ANAPC5: variants seen among roughly 807,000 people sequenced by gnomAD.
ANAPC5 encodes anaphase promoting complex subunit 5, also known as anaphase-promoting complex subunit 5.
In ANAPC5, 60 loss-of-function variants were observed where a neutral mutation model predicts 91.3. The ratio of observed to expected loss-of-function variants is 0.66; its 90% CI spans 0.53 to 0.81. The LOEUF is 0.81. Among genes scored for constraint, ANAPC5 ranks in the 40% least tolerant of loss-of-function variants. The pLI is 0.00. For missense variants in ANAPC5, 690 were observed against 931.5 expected, an observed-to-expected ratio of 0.74 and a Z score of 3.37; for synonymous variants, 340 against 364.1, an observed-to-expected ratio of 0.93 and a Z score of 0.75.
chr12:121,344,283 T>C (rs782267730), intron 4 of ANAPC5, among the ~76,000 whole-genome samples: 3 of 152,042 alleles, frequency 2.0e-5, no homozygotes, highest in African/African-American at 4.8e-5. Context: ...AATAAAGAAA[T>C]AGAAAGTATT....
intron 15 of ANAPC5, among the ~76,000 whole-genome samples, chr12:121,312,420 C>G (rs974973837): frequency 2.6e-5 from 4 of 151,672 alleles, no homozygotes; most frequent in African/African-American, 9.7e-5. Flanking sequence ...AAATATTACC[C>G]AGGTAGCCAG....
rs1425256243 is a variant in ANAPC5 at position 121,318,532 on chromosome 12, G to T, written c.1714C>A (p.Gln572Lys). The T allele has an allele frequency of 6.2e-7, 1 of 1,614,172 alleles. No individual in the cohort carries two copies. The highest frequency in any genetic ancestry group is 8.5e-7 in the Non-Finnish European group (1 of 1,180,028). Residue 572 changes from glutamine to lysine, a missense_variant, in exon 14 of 17, where the codon CAG becomes AAG. This residue lies in a region of ANAPC5 where 317 missense variants were observed against 438.7 expected (regional missense o/e 0.72). Coordinates refer to ENST00000261819, the MANE Select transcript of ANAPC5 (RefSeq NM_016237.5). ...ACCATTTCTGTGTTCTTCAGTTTCT[G>T]ACAATGAACCAACAATTTTTGTAAA... ...KLLQKLLVHC[Q>K]KLKNTEMVIS...
chr12:121,322,824 A>T (rs1902672426), intron 11 of ANAPC5, among the ~76,000 whole-genome samples: 1 of 152,110 alleles, frequency 6.6e-6, no homozygotes, highest in South Asian at 2.1e-4. Flanking sequence ...GAAGTTTGAG[A>T]CCAGCCTGGC....
chr12:121,319,825 A>C lies in ANAPC5; in HGVS notation c.1516-7T>G, dbSNP rs981578065. ...GATCACATAGCATCCATAACTAGTA[A>C]GAAAAAAAAACACAATTAAGTACAA... On this transcript the variant is annotated splice_polypyrimidine_tract_variant and splice_region_variant and intron_variant, in intron 12 of 16. Coordinates refer to ENST00000261819, the MANE Select transcript of ANAPC5 (RefSeq NM_016237.5). 1.3e-6 allele frequency: 2 copies of C among 1,587,570 alleles called. No homozygotes were observed. Among genetic ancestry groups the C allele is most frequent in the Non-Finnish European group, 1.7e-6 (2 of 1,169,124 alleles).
chr12:121,340,278 C>T (rs1180473762), intron 5 of ANAPC5, among the ~76,000 whole-genome samples: 1 of 147,246 alleles, frequency 6.8e-6, no homozygotes, highest in African/African-American at 2.5e-5. Flanking sequence ...AGATCACCAC[C>T]GCACTCCAGC....
At position 121,347,811 on chromosome 12, in the gene ANAPC5, A is replaced by G; in HGVS notation, c.278T>C (p.Val93Ala). The change falls in exon 2 of 17, where the codon GTG (valine) becomes GCG (alanine). Residue 93 changes from valine (V) to alanine (A), a missense_variant. By Grantham distance (64) the Val-to-Ala change is moderately conservative. Transcript: ENST00000261819. ...EESCPQLANSVQIRIKLMAEG... is the reference protein window; with the variant it reads ...EESCPQLANSAQIRIKLMAEG... ...AGAAAATGAAGTTTACCTGATCTGC[A>G]CTGAATTTGCCAGCTGTGGACAAGA... 6.2e-7 allele frequency: 1 copy of G among 1,612,112 alleles called. No homozygotes were observed. Among genetic ancestry groups the G allele is most frequent in the Non-Finnish European group, 8.5e-7 (1 of 1,178,206 alleles).
chr12:121,350,957 A>G, intron 1 of ANAPC5: 1 of 345,366 alleles, frequency 2.9e-6, no homozygotes, highest in Non-Finnish European at 5.7e-6. Flanking sequence ...AGTAATATTG[A>G]GCATTTACTA....
chr12:121,343,267 A>G lies in ANAPC5; in HGVS notation c.591-1198T>C, dbSNP rs147849925. 6.0e-3 allele frequency among the ~76,000 whole-genome samples: 920 copies of G among 152,348 alleles called. 7 individuals are homozygous for G. The highest frequency in any genetic ancestry group is 0.022 in the African/African-American group (894 of 41,570). On this transcript the variant is annotated intron_variant, in intron 4 of 16. Transcript: ENST00000261819. ...TACTTTAAGCATATAAAGTAGCTAG[A>G]AAAAGGATTACACTGTAGCCTAGAA...
chr12:121,318,528 T>G lies in ANAPC5; in HGVS notation c.1718A>C (p.Lys573Thr). ...GATCACCATTTCTGTGTTCTTCAGT[T>G]TCTGACAATGAACCAACAATTTTTG... ...LLQKLLVHCQ[K>T]LKNTEMVISV... The change falls in exon 14 of 17, where the codon AAA (lysine) becomes ACA (threonine). Residue 573 changes from lysine (K) to threonine (T), a missense_variant. Transcript: ENST00000261819. 1 of 1,614,198 alleles carries G rather than the reference T, an allele frequency of 6.2e-7. No individual in the cohort carries two copies. Among genetic ancestry groups the G allele is most frequent in the Non-Finnish European group, 8.5e-7 (1 of 1,180,030 alleles).
chr12:121,312,044 A>C (rs1056506998), intron 15 of ANAPC5, among the ~76,000 whole-genome samples: 1 of 152,198 alleles, frequency 6.6e-6, no homozygotes, highest in South Asian at 2.1e-4. Flanking sequence ...CATATGGAAC[A>C]CTTTCCAGGA....
At chr12:121,316,596 G>C (rs1216536296) in intron 15 of ANAPC5, among the ~76,000 whole-genome samples, 1 of 151,908 alleles carries the variant, frequency 6.6e-6, no homozygotes, top group African/African-American at 2.4e-5. Flanking sequence ...AGCTGGGCGT[G>C]GTGGCGGGCG....
chr12:121,327,081 C>T lies in ANAPC5; in HGVS notation c.1440+15G>A, dbSNP rs781784460. 20 of 1,581,650 alleles carry T rather than the reference C, an allele frequency of 1.3e-5. No homozygotes were observed. The Admixed American group carries it at 3.1e-4, about 25-fold the overall frequency. On this transcript the variant is annotated intron_variant, in intron 11 of 16. Coordinates refer to ENST00000261819, the MANE Select transcript of ANAPC5 (RefSeq NM_016237.5). ...CCATTGCTCCAGAAGCACGTGGGCC[C>T]GGCCACCTGCCTACCTGCTCCGCGT...
chr12:121,328,734 T>G (rs1902915807), intron 9 of ANAPC5: 2 of 415,932 alleles, frequency 4.8e-6, no homozygotes, highest in Admixed American at 3.7e-5. Context: ...GCTTTAGCAT[T>G]AGATGGACCT....
At chr12:121,319,113 A>AC (rs1491263627) in intron 13 of ANAPC5, among the ~76,000 whole-genome samples, 3,170 of 92,198 alleles carry the variant, frequency 0.034, 73 homozygotes, top group African/African-American at 0.19. Flanking sequence ...GTGTATACAC[A>AC]AACACACACA....
At chr12:121,326,924 A>G (rs1329387654) in intron 11 of ANAPC5, among the ~76,000 whole-genome samples, 172 bp downstream of exon 11, 2 of 152,046 alleles carry the variant, frequency 1.3e-5, no homozygotes, top group Non-Finnish European at 2.9e-5. Flanking sequence ...AATTCAACCA[A>G]CTTTGCAGAC....
In ANAPC5 at chr12:121,344,345, A is replaced by G. The variant is rs868928165; in HGVS notation, c.590+1494T>C. Among the ~76,000 whole-genome samples, 8 of 152,258 alleles carry G rather than the reference A, an allele frequency of 5.3e-5. No individual in the cohort carries two copies. The South Asian group carries it at 1.0e-3, about 20-fold the overall frequency. The stretch of plus-strand genomic sequence containing the variant: ...TGTAATCCCAGCACTTTGGGAGGCC[A>G]AGGCGGGTGGATCACCTGAGGTCAG... On this transcript the variant is annotated intron_variant, in intron 4 of 16. Coordinates refer to ENST00000261819, the MANE Select transcript of ANAPC5 (RefSeq NM_016237.5).
At chr12:121,349,192 TCAAA>T (rs1358835488) in intron 1 of ANAPC5, among the ~76,000 whole-genome samples, 4 of 152,138 alleles carry the variant, frequency 2.6e-5, no homozygotes, top group Non-Finnish European at 5.9e-5. Context: ...ATTTAAGAAA[TCAAA>T]CAGTTAGTAA....
chr12:121,331,106 T>C (rs575354939), intron 8 of ANAPC5: 2 of 451,640 alleles, frequency 4.4e-6, no homozygotes, highest in African/African-American at 3.9e-5. Flanking sequence ...TTCTCTTCTT[T>C]CATGGCAAGT....
intron 11 of ANAPC5, among the ~76,000 whole-genome samples, chr12:121,325,444 C>T (rs1486827315): frequency 6.9e-6 from 1 of 145,758 alleles, no homozygotes; most frequent in Non-Finnish European, 1.5e-5. Flanking sequence ...GCCTGGGTGA[C>T]AGAGTGAGAC....
Sources: gnomAD v4.1 joint callset for allele counts (sites outside exome capture counted in the v4.1 genomes callset) on GRCh38, gnomAD v4.1.1 for gene constraint, gnomAD v4.1.1 regional missense constraint, MANE v1.5 for transcripts, NCBI Gene and HGNC (gene_info 2026-07-23, HGNC 2026-07-21) for gene names.